CNTN4: variants seen among roughly 807,000 people sequenced by gnomAD.
The protein encoded by CNTN4 is contactin-4.
Under a neutral mutation model 122.5 loss-of-function variants are expected in CNTN4, and 77 were observed. The ratio of observed to expected loss-of-function variants is 0.63; its 90% CI spans 0.52 to 0.76. The LOEUF is 0.76. Ranked by LOEUF, CNTN4 falls within the 30% of genes least tolerant of loss-of-function variation. The pLI is 0.00. For missense variants in CNTN4, 1,256 were observed against 1,259.1 expected (o/e 1.00, Z 0.04); for synonymous variants, 512 against 447.0 (o/e 1.15, Z -1.83).
chr3:2,994,594 C>CATATAT (rs35069373), intron 14 of CNTN4, among the ~76,000 whole-genome samples: 2,566 of 144,618 alleles, frequency 0.018, 65 homozygotes, highest in African/African-American at 0.058. Flanking sequence ...CAGATTTTTT[C>CATATAT]ATATATATAT....
At chr3:2,774,271 C>T (rs533826329) in intron 6 of CNTN4, among the ~76,000 whole-genome samples, 4 of 151,728 alleles carry the variant, frequency 2.6e-5, no homozygotes, top group Non-Finnish European at 4.4e-5. Flanking sequence ...AAAACAAAAA[C>T]AAAAACAAAA....
intron 2 of CNTN4, among the ~76,000 whole-genome samples, chr3:2,194,907 C>G (rs2037761934): frequency 6.6e-6 from 1 of 152,174 alleles, no homozygotes; most frequent in African/African-American, 2.4e-5. Context: ...ACAATAAACT[C>G]TGTTGTTTTA....
chr3:2,659,981 G>C (rs1239074544), intron 4 of CNTN4, among the ~76,000 whole-genome samples: 2 of 152,132 alleles, frequency 1.3e-5, no homozygotes, highest in African/African-American at 2.4e-5. Context: ...TCCTATTTCT[G>C]TTTGTCTTTT....
intron 4 of CNTN4, among the ~76,000 whole-genome samples, chr3:2,594,018 C>T (rs976419991): frequency 3.9e-5 from 6 of 151,988 alleles, no homozygotes; most frequent in African/African-American, 1.5e-4. Flanking sequence ...ATATGTAGTA[C>T]CTTGAAGACC....
At chr3:2,791,660 G>T (rs73807948) in intron 6 of CNTN4, among the ~76,000 whole-genome samples, 4,923 of 152,224 alleles carry the variant, frequency 0.032, 233 homozygotes, top group African/African-American at 0.11. Context: ...GTAATAAATT[G>T]ACCTACATTT....
intron 3 of CNTN4, among the ~76,000 whole-genome samples, chr3:2,405,313 A>T (rs2046994485): frequency 6.6e-6 from 1 of 152,164 alleles, no homozygotes. Context: ...CCTAGGACTC[A>T]TATCTTGGTA....
At chr3:2,251,142 A>G (rs2040362569) in intron 2 of CNTN4, among the ~76,000 whole-genome samples, 1 of 151,906 alleles carries the variant, frequency 6.6e-6, no homozygotes, top group Non-Finnish European at 1.5e-5. Context: ...CCTCTCTCCT[A>G]TAAGCTCTGT....
intron 3 of CNTN4, among the ~76,000 whole-genome samples, chr3:2,519,565 A>G (rs1244522147): frequency 6.6e-6 from 1 of 152,176 alleles, no homozygotes; most frequent in Non-Finnish European, 1.5e-5. Flanking sequence ...ATTGGCAGCC[A>G]GATAACCCAG....
intron 6 of CNTN4, among the ~76,000 whole-genome samples, chr3:2,800,450 A>C (rs1478930575): frequency 2.6e-5 from 4 of 152,096 alleles, no homozygotes; most frequent in Admixed American, 6.5e-5. Flanking sequence ...TAAAGTTCTT[A>C]TTATCTGTTT....
chr3:2,661,353 T>A (rs1050481667), intron 4 of CNTN4, among the ~76,000 whole-genome samples: 2 of 152,280 alleles, frequency 1.3e-5, no homozygotes, highest in East Asian at 3.9e-4. Context: ...GATTTATGTA[T>A]CTAGGACTGA....
At chr3:2,532,426 T>C (rs983553658) in intron 3 of CNTN4, among the ~76,000 whole-genome samples, 2 of 152,112 alleles carry the variant, frequency 1.3e-5, no homozygotes, top group Non-Finnish European at 2.9e-5. Flanking sequence ...ATCTAACTTA[T>C]GACAGGTTAA....
At position 2,709,636 on chromosome 3, in the gene CNTN4, G is replaced by T. The variant is rs559592374; in HGVS notation, c.56-26579G>T. ...ATCATTTAAATTCCACAATGTGGCTGGGTGCGGTGGCTCTCACCTGTAACC... is the reference window on the plus strand; with the variant it reads ...ATCATTTAAATTCCACAATGTGGCTTGGTGCGGTGGCTCTCACCTGTAACC... On this transcript the variant is annotated intron_variant, in intron 4 of 24. Coordinates refer to ENST00000418658, the MANE Select transcript of CNTN4 (RefSeq NM_175607.3). This position sits in a 1 kb window ranked among gnomAD's most constrained non-coding sequence, Gnocchi z 5.0. Among the ~76,000 whole-genome samples the T allele has an allele frequency of 3.3e-5, 5 of 152,304 alleles. 1 individual carries two copies. The South Asian group carries it at 8.3e-4, about 25-fold the overall frequency.
At chr3:2,499,226 G>A (rs1164690038) in intron 3 of CNTN4, among the ~76,000 whole-genome samples, 1 of 152,184 alleles carries the variant, frequency 6.6e-6, no homozygotes, top group Non-Finnish European at 1.5e-5. Flanking sequence ...CTTGTAGTGT[G>A]AGATTTAGGT....
intron 4 of CNTN4, among the ~76,000 whole-genome samples, chr3:2,622,423 T>A (rs2082025005): frequency 6.6e-6 from 1 of 152,086 alleles, no homozygotes; most frequent in Non-Finnish European, 1.5e-5. Context: ...CCCCAAGCAG[T>A]TGGGATTACA....
chr3:2,276,175 T>A (rs2041502817), intron 2 of CNTN4, among the ~76,000 whole-genome samples: 1 of 151,158 alleles, frequency 6.6e-6, no homozygotes, highest in South Asian at 2.1e-4. Flanking sequence ...TTAATTTATT[T>A]TTATTATTTT....
intron 3 of CNTN4, among the ~76,000 whole-genome samples, chr3:2,386,647 G>A (rs2046267693): frequency 6.6e-6 from 1 of 152,090 alleles, no homozygotes; most frequent in Admixed American, 6.6e-5. Flanking sequence ...AAATTGCAAA[G>A]CAATTTCTGT....
intron 3 of CNTN4, among the ~76,000 whole-genome samples, chr3:2,348,266 T>C (rs886556088): frequency 6.2e-4 from 94 of 152,374 alleles, no homozygotes; most frequent in African/African-American, 2.2e-3. Flanking sequence ...GAGGTTTTTA[T>C]TTCTTATAGG....
At chr3:2,798,987 A>G (rs2150041819) in intron 6 of CNTN4, among the ~76,000 whole-genome samples, 1 of 152,312 alleles carries the variant, frequency 6.6e-6, no homozygotes, top group East Asian at 1.9e-4. Flanking sequence ...TTTTCTCTGC[A>G]TCCTCACCAA....
intron 3 of CNTN4, among the ~76,000 whole-genome samples, chr3:2,423,545 A>C (rs2047692173): frequency 1.3e-5 from 2 of 151,804 alleles, no homozygotes. Flanking sequence ...ATGCATTAAT[A>C]AACATGACTA....
Sources: gnomAD v4.1 joint callset for allele counts (sites outside exome capture counted in the v4.1 genomes callset) on GRCh38, gnomAD v4.1.1 for gene constraint, Gnocchi (gnomAD v3.1) non-coding constraint, MANE v1.5 for transcripts, NCBI Gene and HGNC (gene_info 2026-07-23, HGNC 2026-07-21) for gene names.